ROBO2: variants seen among roughly 807,000 people sequenced by gnomAD.
ROBO2 encodes roundabout homolog 2.
Under a neutral mutation model 160.8 loss-of-function variants are expected in ROBO2, and 53 were observed. The observed-to-expected ratio is 0.33, with a 90% CI of 0.26 to 0.41. The LOEUF (loss-of-function observed/expected upper bound fraction) is 0.41, where lower values mean the gene tolerates loss of function less well. Among genes scored for constraint, ROBO2 ranks in the 10% least tolerant of loss-of-function variants. The pLI, the probability that ROBO2 is intolerant of heterozygous loss-of-function variation, is 1.00. For missense variants in ROBO2, 1,577 were observed against 1,722.4 expected (o/e 0.92, Z 1.49); for synonymous variants, 664 against 611.7 (o/e 1.09, Z -1.26).
chr3:76,627,359 C>T (rs538625967), intron 2 of ROBO2, among the ~76,000 whole-genome samples: 18 of 152,218 alleles, frequency 1.2e-4, no homozygotes, highest in East Asian at 1.2e-3. Context: ...TTGTGTCTAA[C>T]GGTTCCAGAG....
At chr3:77,633,225 C>T (rs2095202707) in intron 23 of ROBO2, 1 of 152,130 alleles carries the variant, frequency 6.6e-6, no homozygotes, top group Non-Finnish European at 1.5e-5. Context: ...ATTAAAGATA[C>T]ACCCACTGCA....
intron 2 of ROBO2, among the ~76,000 whole-genome samples, chr3:76,339,901 T>C (rs775794206): frequency 1.3e-5 from 2 of 152,104 alleles, no homozygotes; most frequent in African/African-American, 2.4e-5. Flanking sequence ...ATATGTGTAA[T>C]TCTTCCATAA....
intron 2 of ROBO2, among the ~76,000 whole-genome samples, chr3:77,121,857 T>A (rs962530675): frequency 2.0e-5 from 3 of 152,134 alleles, no homozygotes; most frequent in Non-Finnish European, 2.9e-5. Context: ...TTTAATTATG[T>A]TCTGGAAATT....
chr3:77,103,415 T>TC (rs1376436964), intron 2 of ROBO2, among the ~76,000 whole-genome samples: 11 of 151,540 alleles, frequency 7.3e-5, no homozygotes, highest in Admixed American at 7.2e-4. Flanking sequence ...ATCTTTTTTT[T>TC]TTTTTCTTTT....
chr3:76,370,436 TGTCCTC>T (rs2076047657), intron 2 of ROBO2, among the ~76,000 whole-genome samples: 2 of 152,074 alleles, frequency 1.3e-5, no homozygotes, highest in East Asian at 3.9e-4. Context: ...TTGAACATAA[TGTCCTC>T]ATTTATTAAA....
At chr3:76,283,637 A>C (rs1455205155) in intron 2 of ROBO2, among the ~76,000 whole-genome samples, 1 of 152,008 alleles carries the variant, frequency 6.6e-6, no homozygotes, top group African/African-American at 2.4e-5. Context: ...AGCATTAATA[A>C]GGAGAGGCAG....
Position 76,793,083 on chromosome 3 carries a change from T to C in ROBO2, c.110-304931T>C, listed in dbSNP as rs57428748. Among the ~76,000 whole-genome samples the C allele has an allele frequency of 2.0e-3, 308 of 151,866 alleles. 1 individual carries two copies. Among genetic ancestry groups the C allele is most frequent in the African/African-American group, 6.8e-3 (282 of 41,496 alleles). ...ATTCCATCTTTCTGGTTCTCTAATT[T>C]CAGTTGTTTTTGTATTTGTATCCCA... On this transcript the variant is annotated intron_variant, in intron 2 of 26. Coordinates refer to the ROBO2 transcript ENST00000487694.
At chr3:76,666,828 T>C (rs1202904053) in intron 2 of ROBO2, among the ~76,000 whole-genome samples, 1 of 152,156 alleles carries the variant, frequency 6.6e-6, no homozygotes, top group African/African-American at 2.4e-5. Flanking sequence ...TTTTTAAAGC[T>C]TGTTGATGTG....
intron 2 of ROBO2, among the ~76,000 whole-genome samples, chr3:75,945,795 C>T (rs951501105): frequency 6.6e-6 from 1 of 151,670 alleles, no homozygotes; most frequent in Non-Finnish European, 1.5e-5. Context: ...ACTGAAGATG[C>T]TAATTAGAAA....
At chr3:76,013,672 A>C (rs557571277) in intron 2 of ROBO2, among the ~76,000 whole-genome samples, 4 of 151,502 alleles carry the variant, frequency 2.6e-5, no homozygotes, top group Admixed American at 2.0e-4. Flanking sequence ...CAGAAGTAAT[A>C]TGTATAAAGG....
intron 11 of ROBO2, among the ~76,000 whole-genome samples, chr3:77,564,250 C>A (rs1582975113): frequency 6.6e-6 from 1 of 152,018 alleles, no homozygotes; most frequent in South Asian, 2.1e-4. Context: ...TTCTTCTGAG[C>A]AAAAGTGGCA....
intron 2 of ROBO2, among the ~76,000 whole-genome samples, chr3:76,758,939 T>C (rs533047932): frequency 1.3e-5 from 2 of 152,010 alleles, no homozygotes; most frequent in Admixed American, 6.6e-5. Context: ...AATTTTGTCC[T>C]AAATTTTGCT....
intron 24 of ROBO2, among the ~76,000 whole-genome samples, chr3:77,637,191 A>G (rs1359788086): frequency 1.3e-5 from 2 of 152,210 alleles, no homozygotes; most frequent in African/African-American, 4.8e-5. Flanking sequence ...CCACAAGTGA[A>G]TCTAAAGTAT....
chr3:77,599,081 A>G (rs1220822266), intron 19 of ROBO2, among the ~76,000 whole-genome samples: 1 of 152,102 alleles, frequency 6.6e-6, no homozygotes, highest in East Asian at 1.9e-4. Flanking sequence ...ATGATGTGAA[A>G]TATCTCATAG....
At chr3:76,084,311 T>C (rs138110495) in intron 2 of ROBO2, among the ~76,000 whole-genome samples, 1 of 152,280 alleles carries the variant, frequency 6.6e-6, no homozygotes, top group Non-Finnish European at 1.5e-5. Context: ...TGGAGTTGCT[T>C]AGTCTTTTCT....
intron 2 of ROBO2, among the ~76,000 whole-genome samples, chr3:76,997,517 C>T (rs1247369976): frequency 5.3e-5 from 8 of 152,032 alleles, no homozygotes; most frequent in Admixed American, 2.6e-4. Flanking sequence ...CTAATATCTT[C>T]GAACACATGG....
chr3:77,298,749 G>C (rs1331313433), intron 2 of ROBO2, among the ~76,000 whole-genome samples: 1 of 152,216 alleles, frequency 6.6e-6, no homozygotes, highest in Non-Finnish European at 1.5e-5. Context: ...AGACAAATTT[G>C]TTATTCATTC....
intron 2 of ROBO2, among the ~76,000 whole-genome samples, chr3:77,296,782 G>A (rs1017797984): frequency 2.6e-5 from 4 of 152,106 alleles, no homozygotes; most frequent in African/African-American, 9.7e-5. Flanking sequence ...GAGGGACCTG[G>A]GAGAGAGGCG....
intron 2 of ROBO2, among the ~76,000 whole-genome samples, chr3:76,947,881 T>C (rs2078669327): frequency 6.6e-6 from 1 of 152,198 alleles, no homozygotes; most frequent in Non-Finnish European, 1.5e-5. Flanking sequence ...CTCCCAAGAT[T>C]AGAAATTATT....
Sources: gnomAD v4.1 joint callset for allele counts (sites outside exome capture counted in the v4.1 genomes callset) on GRCh38, gnomAD v4.1.1 for gene constraint, MANE v1.5 for transcripts, NCBI Gene and HGNC (gene_info 2026-07-23, HGNC 2026-07-21) for gene names.